TMPRSS15: variants seen among roughly 807,000 people sequenced by gnomAD.
TMPRSS15 encodes the protein enteropeptidase.
In TMPRSS15, 128 loss-of-function variants were observed where a neutral mutation model predicts 125.3. That is an observed-to-expected ratio of 1.02 (90% confidence interval 0.89 to 1.18). The LOEUF is 1.18. Ranked by LOEUF, TMPRSS15 falls within the 50% of genes most tolerant of loss-of-function variation. The pLI, the probability that TMPRSS15 is intolerant of heterozygous loss-of-function variation, is 0.00. For missense variants in TMPRSS15, 1,283 were observed against 1,212.7 expected (o/e 1.06, Z -0.86); for synonymous variants, 446 against 423.2 (o/e 1.05, Z -0.66).
At chr21:18,476,230 G>A (rs1978877535) in intron 1 of TMPRSS15, among the ~76,000 whole-genome samples, 1 of 152,090 alleles carries the variant, frequency 6.6e-6, no homozygotes, top group Non-Finnish European at 1.5e-5. Context: ...AATATCCTGA[G>A]AAATGATGTC....
chr21:18,433,270 C>T (rs1346594475), intron 1 of TMPRSS15, among the ~76,000 whole-genome samples: 1 of 152,074 alleles, frequency 6.6e-6, no homozygotes, highest in Non-Finnish European at 1.5e-5. Context: ...ATGAGAATAA[C>T]TCAGGAACAG....
rs74581367 is a variant in TMPRSS15, at chr21:18,364,265, G to T, written c.773+875C>A. ...GACTGGTAAACCATAATCCCATCTA[G>T]CTATTAATAGAAATGAACTAATTAG... On this transcript the variant is annotated intron_variant, in intron 7 of 24. Coordinates refer to ENST00000284885, the MANE Select transcript of TMPRSS15 (RefSeq NM_002772.3). Among the ~76,000 whole-genome samples, 249 of 152,100 alleles carry T rather than the reference G, an allele frequency of 1.6e-3. 3 individuals are homozygous for T. The East Asian group carries it at 0.032, about 20-fold the overall frequency.
At chr21:18,443,060 C>T (rs901475814) in intron 1 of TMPRSS15, among the ~76,000 whole-genome samples, 8 of 152,080 alleles carry the variant, frequency 5.3e-5, no homozygotes, top group Non-Finnish European at 8.8e-5. Context: ...TCCAACTATC[C>T]ATGGACACTT....
At chr21:18,368,312 AC>A in intron 6 of TMPRSS15, among the ~76,000 whole-genome samples, 1 of 152,286 alleles carries the variant, frequency 6.6e-6, no homozygotes, top group East Asian at 1.9e-4. Flanking sequence ...TCTATGTTTG[AC>A]AAACCCTCTT....
upstream of TMPRSS15, among the ~76,000 whole-genome samples, chr21:18,404,517 A>T (rs2076132558): frequency 6.6e-6 from 1 of 152,200 alleles, no homozygotes; most frequent in South Asian, 2.1e-4. Context: ...GCTTTATGGA[A>T]AAATCAAAGT....
intron 3 of TMPRSS15, among the ~76,000 whole-genome samples, chr21:18,396,278 T>C (rs1224519647): frequency 6.6e-6 from 1 of 152,190 alleles, no homozygotes; most frequent in African/African-American, 2.4e-5. Flanking sequence ...TTATATTCTG[T>C]GGGCTCTGCT....
At chr21:18,317,791 TCCC>T (rs2075183916) in intron 16 of TMPRSS15, among the ~76,000 whole-genome samples, 1 of 108,468 alleles carries the variant, frequency 9.2e-6, no homozygotes, top group Non-Finnish European at 1.9e-5. Context: ...TCCCATCCCA[TCCC>T]ATCCCATCCC....
At chr21:18,415,638 A>C (rs2076178040) in intron 1 of TMPRSS15, among the ~76,000 whole-genome samples, 1 of 151,982 alleles carries the variant, frequency 6.6e-6, no homozygotes, top group Non-Finnish European at 1.5e-5. Context: ...TATCCTTAGC[A>C]CTGTTGCTAA....
At chr21:18,325,942 G>A in intron 16 of TMPRSS15, among the ~76,000 whole-genome samples, 1 of 151,856 alleles carries the variant, frequency 6.6e-6, no homozygotes, top group East Asian at 1.9e-4. Context: ...GGAGGGTTGG[G>A]CACGTCAGCA....
chr21:18,354,405 T>C (rs1255535216), intron 8 of TMPRSS15, among the ~76,000 whole-genome samples: 3 of 151,672 alleles, frequency 2.0e-5, no homozygotes, highest in African/African-American at 7.3e-5. Flanking sequence ...GTCTTGAGTA[T>C]AAACTGCTTA....
At chr21:18,345,936 T>G (rs1305778775) in intron 10 of TMPRSS15, among the ~76,000 whole-genome samples, 1 of 151,680 alleles carries the variant, frequency 6.6e-6, no homozygotes, top group East Asian at 1.9e-4. Flanking sequence ...TAGTAAGCAG[T>G]GATATATTTG....
In TMPRSS15 at chr21:18,353,675, CATT is replaced by C. The variant is rs746144478; in HGVS notation, c.1021+45_1021+47del. The C allele has an allele frequency of 1.3e-5, 20 of 1,553,192 alleles. No individual in the cohort carries two copies. The South Asian group carries it at 2.3e-4, about 18-fold the overall frequency. On this transcript the variant is annotated intron_variant, in intron 9 of 24. Coordinates refer to ENST00000284885, the MANE Select transcript of TMPRSS15 (RefSeq NM_002772.3). ...TGCTACCTTTAAAATTCCATCATAACATTAAAGCATCTAAAAATTAAAAAGCCA... is the reference window on the plus strand; with the variant it reads ...TGCTACCTTTAAAATTCCATCATAACAAAGCATCTAAAAATTAAAAAGCCA...
chr21:18,442,306 T>C (rs1268602843), intron 1 of TMPRSS15, among the ~76,000 whole-genome samples: 1 of 152,166 alleles, frequency 6.6e-6, no homozygotes, highest in Non-Finnish European at 1.5e-5. Context: ...TTGGCATGGA[T>C]GGGCTTGACG....
chr21:18,363,570 C>G (rs1450247731), intron 7 of TMPRSS15, among the ~76,000 whole-genome samples: 1 of 151,098 alleles, frequency 6.6e-6, no homozygotes, highest in Non-Finnish European at 1.5e-5. Flanking sequence ...TAGTTACAGT[C>G]TTTCCATTTT....
intron 13 of TMPRSS15, among the ~76,000 whole-genome samples, chr21:18,334,931 C>A (rs749592621): frequency 4.6e-5 from 7 of 152,142 alleles, no homozygotes; most frequent in Non-Finnish European, 8.8e-5. Flanking sequence ...TCAAGGATGG[C>A]TAAACCTAGA....
intron 24 of TMPRSS15, among the ~76,000 whole-genome samples, chr21:18,271,068 AATCT>A (rs1374613706): frequency 6.6e-6 from 1 of 152,140 alleles, no homozygotes; most frequent in Non-Finnish European, 1.5e-5. Context: ...AAAAAAATGT[AATCT>A]ATCAATGCAC....
chr21:18,440,732 A>G (rs1194763011), intron 1 of TMPRSS15, among the ~76,000 whole-genome samples: 3 of 152,172 alleles, frequency 2.0e-5, no homozygotes, highest in Non-Finnish European at 4.4e-5. Context: ...AATTCTTGTC[A>G]TGACCTGTTC....
At chr21:18,468,859 C>T (rs1978720839) in intron 1 of TMPRSS15, among the ~76,000 whole-genome samples, 1 of 152,028 alleles carries the variant, frequency 6.6e-6, no homozygotes, top group Non-Finnish European at 1.5e-5. Context: ...CAAGCTGCAC[C>T]CTGTTAGGTT....
At chr21:18,452,361 C>T (rs1978352713) in intron 1 of TMPRSS15, among the ~76,000 whole-genome samples, 1 of 152,090 alleles carries the variant, frequency 6.6e-6, no homozygotes, top group Non-Finnish European at 1.5e-5. Flanking sequence ...ACAAAGCAAA[C>T]ATAATGTAAT....
Sources: allele counts gnomAD v4.1 joint callset (sites outside exome capture counted in the v4.1 genomes callset), GRCh38; gene constraint gnomAD v4.1.1; transcripts MANE v1.5; gene names NCBI Gene and HGNC (gene_info 2026-07-23, HGNC 2026-07-21).